The following CPXM1 variants were observed in gnomAD, a reference collection of about 807,000 sequenced individuals.
The protein encoded by CPXM1 is probable carboxypeptidase X1.
A neutral mutation model predicts 80.4 loss-of-function variants in CPXM1; 72 were observed. The ratio of observed to expected loss-of-function variants is 0.90; its 90% CI spans 0.74 to 1.09. The LOEUF (loss-of-function observed/expected upper bound fraction) is 1.09, where lower values mean the gene tolerates loss of function less well. Ranked by LOEUF, CPXM1 falls within the 50% of genes least tolerant of loss-of-function variation. CPXM1 has a pLI of 0.00. For missense variants in CPXM1, 892 were observed against 999.4 expected (o/e 0.89, Z 1.45); for synonymous variants, 403 against 405.6 (o/e 0.99, Z 0.08).
Position 2,796,087 on chromosome 20 carries a change from G to A in CPXM1, c.1317C>T (p.Asp439=), listed in dbSNP as rs780229430. 50 of 1,613,990 alleles carry A rather than the reference G, an allele frequency of 3.1e-5. No homozygotes were observed. The South Asian group carries it at 5.2e-4, about 17-fold the overall frequency. Residue 439 remains aspartate (D), a synonymous_variant, in exon 10 of 14, where the codon GAC becomes GAT. Transcript: ENST00000380605. This position sits in a 1 kb window ranked among gnomAD's most constrained non-coding sequence, Gnocchi z 6.8. The part of the protein sequence containing the change: ...QSIDLNHNFA[D]LNTPLWEAQD... ...GTGCTTCCCACAGTGGTGTGTTGAG[G>A]TCAGCAAAATTATGGTTAAGATCGA... is the stretch of plus-strand genomic sequence containing the variant.
Position 2,794,833 on chromosome 20 carries a change from T to C in CPXM1, c.1861-194A>G, listed in dbSNP as rs944829897. On this transcript the variant is annotated intron_variant, in intron 12 of 13. Transcript: ENST00000380605. The surrounding 1 kb of genome is among the most constrained non-coding windows in gnomAD (Gnocchi z 5.2). Reference sequence around the variant, plus strand: ...AATCACATCTGGACTAAGAAAATGATAAATACCTGGTAGGAAGGCTTATCT... The same window carrying C: ...AATCACATCTGGACTAAGAAAATGACAAATACCTGGTAGGAAGGCTTATCT... 1.3e-5 allele frequency among the ~76,000 whole-genome samples: 2 copies of C among 152,068 alleles called. No homozygotes were observed. The highest frequency in any genetic ancestry group is 6.5e-5 in the Admixed American group (1 of 15,272).
At position 2,794,448 on chromosome 20, in the gene CPXM1, G is replaced by A; in HGVS notation, c.1964-17C>T. On this transcript the variant is annotated splice_polypyrimidine_tract_variant and intron_variant, in intron 13 of 13. Coordinates refer to ENST00000380605, the MANE Select transcript of CPXM1 (RefSeq NM_019609.5). This position sits in a 1 kb window ranked among gnomAD's most constrained non-coding sequence, Gnocchi z 5.2. ...CGCCCCACGCTGAGGAGAGTGAAGG[G>A]CACGATCAGGACCCAATTAATGATC... 3 of 1,613,408 alleles carry A rather than the reference G, an allele frequency of 1.9e-6. No homozygotes were observed. In the South Asian group the frequency reaches 3.3e-5, roughly 18 times the overall value.
chr20:2,797,068 G>C lies in CPXM1; in HGVS notation c.859C>G (p.Pro287Ala). ...SDPNDLFLEA[P>A]ASGSSDPLDF... The stretch of plus-strand genomic sequence containing the variant: ...AGAGGGTCAGAGGATCCCGACGCAG[G>C]GGCCTCAAGGAATAGGTCATTGGGG... The change falls in exon 7 of 14, where the codon CCT becomes GCT. Residue 287 changes from proline (P) to alanine (A), a missense_variant. Physicochemically the swap from Pro to Ala is conservative, Grantham distance 27 (BLOSUM62 -1). Transcript: ENST00000380605. 2 of 1,614,098 alleles carry C rather than the reference G, an allele frequency of 1.2e-6. No individual in the cohort carries two copies. The highest frequency in any genetic ancestry group is 1.7e-6 in the Non-Finnish European group (2 of 1,179,982).
Position 2,796,082 on chromosome 20 carries a change from T to A in CPXM1, c.1322A>T (p.Asn441Ile). Residue 441 changes from asparagine to isoleucine, a missense_variant, in exon 10 of 14, where the codon AAC becomes ATC. Transcript: ENST00000380605. This position sits in a 1 kb window ranked among gnomAD's most constrained non-coding sequence, Gnocchi z 6.8. ...IDLNHNFADLNTPLWEAQDDG... is the reference protein window; with the variant it reads ...IDLNHNFADLITPLWEAQDDG... ...GTCCTGTGCTTCCCACAGTGGTGTG[T>A]TGAGGTCAGCAAAATTATGGTTAAG... 7 of 1,614,050 alleles carry A rather than the reference T, an allele frequency of 4.3e-6. No homozygotes were observed. Among genetic ancestry groups the A allele is most frequent in the Middle Eastern group, 1.6e-4 (1 of 6,062 alleles).
At chr20:2,797,382 C>T in intron 5 of CPXM1, 40 bp from the exon 6 acceptor site, 1 of 1,443,066 alleles carries the variant, frequency 6.9e-7, no homozygotes, top group African/African-American at 1.4e-5. Context: ...GCTCAAACCC[C>T]AGAAGCCTGG....
Position 2,794,185 on chromosome 20 carries a change from A to T in CPXM1, c.*5T>A. On this transcript the variant is annotated 3_prime_UTR_variant, in exon 14 of 14. Transcript: ENST00000380605. This position sits in a 1 kb window ranked among gnomAD's most constrained non-coding sequence, Gnocchi z 5.2. ...GCCTGCCCTAGGGCTCTTAAACCGCAGGTATCAATCCTTCTGTCCCCTTAG... is the reference window on the plus strand; with the variant it reads ...GCCTGCCCTAGGGCTCTTAAACCGCTGGTATCAATCCTTCTGTCCCCTTAG... 2.5e-6 allele frequency: 4 copies of T among 1,605,792 alleles called. No homozygotes were observed. Among genetic ancestry groups the T allele is most frequent in the Non-Finnish European group, 3.4e-6 (4 of 1,176,172 alleles).
At chr20:2,798,579 G>A in intron 2 of CPXM1, 42 bp from the exon 3 acceptor site, 1 of 1,582,206 alleles carries the variant, frequency 6.3e-7, no homozygotes, top group Non-Finnish European at 8.7e-7. Context: ...CAGAGGGAGG[G>A]TAGCCAGGGC....
rs2088503261 is a variant in CPXM1 at position 2,795,999 on chromosome 20, TGTAGTAAG to T, written c.1397_1404del (p.Thr466AsnfsTer10). 3.1e-6 allele frequency: 5 copies of T among 1,609,752 alleles called. No homozygotes were observed. Among genetic ancestry groups the T allele is most frequent in the Non-Finnish European group, 4.2e-6 (5 of 1,177,906 alleles). On this transcript the variant is annotated frameshift_variant, in exon 10 of 14. Transcript: ENST00000380605. LOFTEE classifies it high-confidence loss of function. This position sits in a 1 kb window ranked among gnomAD's most constrained non-coding sequence, Gnocchi z 5.4. ...ATACTCACGGTGGCATTGGGCAGGG[TGTAGTAAG>T]TGGGCAATGGCAGGTGATGGTTGGG...
Position 2,796,256 on chromosome 20 carries a change from G to T in CPXM1, c.1233C>A (p.Ala411=). 1 of 1,613,622 alleles carries T rather than the reference G, an allele frequency of 6.2e-7. No homozygotes were observed. ...PSMNPDGYEI[A]YHRGSELVGW... The stretch of plus-strand genomic sequence containing the variant: ...ATGCTGGGTGGCCTACCCGGTGGTA[G>T]GCGATCTCATAGCCATCAGGGTTCA... The change falls in exon 9 of 14, where the codon GCC becomes GCA. Residue 411 remains alanine, a synonymous_variant. Coordinates refer to ENST00000380605, the MANE Select transcript of CPXM1 (RefSeq NM_019609.5). This position sits in a 1 kb window ranked among gnomAD's most constrained non-coding sequence, Gnocchi z 6.8.
In CPXM1 at chr20:2,797,268, A is replaced by C. The variant is rs781504282; in HGVS notation, c.756T>G (p.Ile252Met). The change falls in exon 6 of 14, where the codon ATT becomes ATG. Residue 252 changes from isoleucine (I) to methionine (M), a missense_variant. Physicochemically the swap from Ile to Met is conservative, Grantham distance 10 (BLOSUM62 1). Transcript: ENST00000380605. ...GGAGCCAGGTCTGGGGCAGCAGGCG[A>C]ATGAAGCGGGCCACCTGGGGCTCCG... ...LLPEPQVARF[I>M]RLLPQTWLQG... The C allele has an allele frequency of 4.5e-6, 7 of 1,570,360 alleles. No homozygotes were observed. Among genetic ancestry groups the C allele is most frequent in the Non-Finnish European group, 6.1e-6 (7 of 1,155,726 alleles).
rs1267865211 is a variant in CPXM1, at chr20:2,798,913, AG to A, written c.173-21del. On this transcript the variant is annotated intron_variant, in intron 1 of 13. Transcript: ENST00000380605. ...AGGTCCCTTGGGGTCCGAGAGGCAC[AG>A]CATGGGGGAAAGGAAGAATGGTGAA... 11 of 1,605,444 alleles carry A rather than the reference AG, an allele frequency of 6.9e-6. No individual in the cohort carries two copies. Among genetic ancestry groups the A allele is most frequent in the African/African-American group, 1.3e-5 (1 of 74,564 alleles).
In CPXM1 at chr20:2,796,567, A is replaced by C. The variant is rs1408662609; in HGVS notation, c.1005T>G (p.Tyr335Ter). ...IGKSYQGLKLYVMEMSDKPGE... is the reference protein window; with the variant it reads ...IGKSYQGLKL ...CAGGCTTGTCCGACATTTCCATCAC[A>C]TACAGCTTCAGGCCCTGGTAGCTCT... is the stretch of plus-strand genomic sequence containing the variant. The change falls in exon 8 of 14, where the codon TAT (tyrosine) becomes TAG (stop). Residue 335 changes from tyrosine (Y) to a stop codon, truncating the protein, a stop_gained. Coordinates refer to ENST00000380605, the MANE Select transcript of CPXM1 (RefSeq NM_019609.5). LOFTEE classifies it high-confidence loss of function. The surrounding 1 kb of genome is among the most constrained non-coding windows in gnomAD (Gnocchi z 6.8). The C allele has an allele frequency of 6.2e-7, 1 of 1,614,054 alleles. No individual in the cohort carries two copies. Among genetic ancestry groups the C allele is most frequent in the Admixed American group, 1.7e-5 (1 of 60,000 alleles).
Position 2,796,700 on chromosome 20 carries a change from G to C in CPXM1, c.922-50C>G. The C allele has an allele frequency of 6.2e-7, 1 of 1,604,710 alleles. No homozygotes were observed. ...ATGAGGCATGGGAGGGGTACACCCA[G>C]GGGCAGATCACATGTGCCATGGAAA... On this transcript the variant is annotated intron_variant, in intron 7 of 13. Transcript: ENST00000380605. This position sits in a 1 kb window ranked among gnomAD's most constrained non-coding sequence, Gnocchi z 6.8.
rs375096913 is a variant in CPXM1, at chr20:2,798,751, G to C, written c.315C>G (p.Leu105=). ...CTGTTTCTTGTTTCTCAGCGGGGTC[G>C]AGGGTCCCTGCTGGAGTGGGGGTCA... ...PLVTPTPAGT[L]DPAEKQETGC... is the part of the protein sequence containing the mutation. The change falls in exon 2 of 14, where the codon CTC becomes CTG. Residue 105 remains leucine, a synonymous_variant. Transcript: ENST00000380605. 6.2e-7 allele frequency: 1 copy of C among 1,613,050 alleles called. No homozygotes were observed. Among genetic ancestry groups the C allele is most frequent in the Non-Finnish European group, 8.5e-7 (1 of 1,179,712 alleles).
At position 2,800,422 on chromosome 20, in the gene CPXM1, G is replaced by C. The variant is rs1289414014; in HGVS notation, c.151C>G (p.Pro51Ala). Residue 51 changes from proline (P) to alanine (A), a missense_variant, in exon 1 of 14, where the codon CCG (proline) becomes GCG (alanine). By Grantham distance (27) the Pro-to-Ala change is conservative. Coordinates refer to ENST00000380605, the MANE Select transcript of CPXM1 (RefSeq NM_019609.5). Reference protein sequence around the residue: ...TPALHSSPAQPPAETANGTSE... With the variant: ...TPALHSSPAQAPAETANGTSE... ...TCACCGTTAGCTGTCTCCGCCGGCG[G>C]CTGTGCCGGGCTGCTATGCAGGGCC... 6.5e-7 allele frequency: 1 copy of C among 1,527,354 alleles called. No homozygotes were observed. The highest frequency in any genetic ancestry group is 1.2e-5 in the South Asian group (1 of 82,066). 94.6% of individuals were successfully genotyped at this position (1,527,354 alleles called of 1,614,324 possible).
rs1482881915 is a variant in CPXM1 at position 2,796,503 on chromosome 20, TCTCCCCA to T, written c.1045+17_1045+23del. ...CCTGGGGCCCTGCCCTGTGCCTACCTCTCCCCACTCCCCATGCCAGTACCCAGCTCAT... is the reference window on the plus strand; with the variant it reads ...CCTGGGGCCCTGCCCTGTGCCTACCTCTCCCCATGCCAGTACCCAGCTCAT... On this transcript the variant is annotated intron_variant, in intron 8 of 13. Coordinates refer to ENST00000380605, the MANE Select transcript of CPXM1 (RefSeq NM_019609.5). This position sits in a 1 kb window ranked among gnomAD's most constrained non-coding sequence, Gnocchi z 6.8. The T allele has an allele frequency of 6.2e-7, 1 of 1,613,518 alleles. No individual in the cohort carries two copies. Among genetic ancestry groups the T allele is most frequent in the African/African-American group, 1.3e-5 (1 of 74,886 alleles).
At chr20:2,799,644 G>T (rs1031631785) in intron 1 of CPXM1, among the ~76,000 whole-genome samples, 1 of 151,994 alleles carries the variant, frequency 6.6e-6, no homozygotes, top group African/African-American at 2.4e-5. Flanking sequence ...CTGACTCGGG[G>T]ACATCACCCT....
rs1397321290 is a variant in CPXM1 at position 2,796,056 on chromosome 20, C to A, written c.1348G>T (p.Asp450Tyr). 1 of 1,614,008 alleles carries A rather than the reference C, an allele frequency of 6.2e-7. No homozygotes were observed. Among genetic ancestry groups the A allele is most frequent in the South Asian group, 1.1e-5 (1 of 91,034 alleles). Residue 450 changes from aspartate (D) to tyrosine (Y), a missense_variant, in exon 10 of 14, where the codon GAT becomes TAT. Asp to Tyr is a radical substitution (Grantham distance 160, BLOSUM62 -3). This residue lies in a region of CPXM1 where 874 missense variants were observed against 958.4 expected (regional missense o/e 0.91). Transcript: ENST00000380605. This position sits in a 1 kb window ranked among gnomAD's most constrained non-coding sequence, Gnocchi z 6.8. ...LNTPLWEAQD[D>Y]GKVPHIVPNH... ...GGGACGATGTGGGGCACCTTCCCAT[C>A]GTCCTGTGCTTCCCACAGTGGTGTG...
At position 2,795,858 on chromosome 20, in the gene CPXM1, C is replaced by T. The variant is rs370337829; in HGVS notation, c.1461G>A (p.Lys487=). 1.2e-6 allele frequency: 2 copies of T among 1,612,226 alleles called. No individual in the cohort carries two copies. Among genetic ancestry groups the T allele is most frequent in the East Asian group, 4.5e-5 (2 of 44,854 alleles). The part of the protein sequence containing the change: ...PETRAVIKWM[K]RIPFVLSANL... ...TGGCACTTAGCACAAAGGGGATCCG[C>T]TTCATCCACTTGATTACTGCCCGCG... is the stretch of plus-strand genomic sequence containing the variant. Residue 487 remains lysine, a synonymous_variant, in exon 11 of 14, where the codon AAG becomes AAA. Coordinates refer to ENST00000380605, the MANE Select transcript of CPXM1 (RefSeq NM_019609.5). This position sits in a 1 kb window ranked among gnomAD's most constrained non-coding sequence, Gnocchi z 5.4.
Sources: allele counts gnomAD v4.1 joint callset (sites outside exome capture counted in the v4.1 genomes callset), GRCh38; gene constraint gnomAD v4.1.1; regional missense constraint gnomAD v4.1.1; non-coding constraint Gnocchi (gnomAD v3.1); transcripts MANE v1.5; gene names NCBI Gene and HGNC (gene_info 2026-07-23, HGNC 2026-07-21).